Variants in ARPP21 observed in about 807,000 individuals in gnomAD.
ARPP21 encodes cAMP regulated phosphoprotein 21, also known as cAMP-regulated phosphoprotein 21.
A neutral mutation model predicts 113.2 loss-of-function variants in ARPP21; 69 were observed. The observed-to-expected ratio is 0.61, with a 90% CI of 0.50 to 0.74. The LOEUF (loss-of-function observed/expected upper bound fraction) is 0.74. Among genes scored for constraint, ARPP21 ranks in the 30% least tolerant of loss-of-function variants. ARPP21 has a pLI of 0.00. For synonymous variants in ARPP21, 368 were observed against 375.5 expected, an observed-to-expected ratio of 0.98 and a Z score of 0.23; for missense variants, 1,070 against 1,037.4, an observed-to-expected ratio of 1.03 and a Z score of -0.43.
intron 1 of ARPP21, among the ~76,000 whole-genome samples, chr3:35,675,034 C>T (rs962867296): frequency 2.0e-5 from 3 of 151,568 alleles, no homozygotes; most frequent in South Asian, 2.1e-4. Flanking sequence ...TTTCCTGAAC[C>T]ATCTCTGCTT....
At chr3:35,685,036 A>G in intron 5 of ARPP21, 1 of 984,918 alleles carries the variant, frequency 1.0e-6, no homozygotes, top group Non-Finnish European at 1.2e-6. Flanking sequence ...GATGGCTTGT[A>G]ATGTACTGCA....
chr3:35,721,505 T>C (rs1363171431), intron 13 of ARPP21, 100 bp from the exon 14 acceptor site: 3 of 696,526 alleles, frequency 4.3e-6, no homozygotes, highest in Non-Finnish European at 7.6e-6. Context: ...AAGGGTCTTG[T>C]GTGGATCACC....
At chr3:35,748,071 A>AAGGAAGGAAGG (rs1559837078) in intron 19 of ARPP21, among the ~76,000 whole-genome samples, 1,649 of 93,554 alleles carry the variant, frequency 0.018, 20 homozygotes, top group Non-Finnish European at 0.023. Flanking sequence ...AGGAAGGAAG[A>AAGGAAGGAAGG]AAGAAAGAAA....
intron 1 of ARPP21, among the ~76,000 whole-genome samples, chr3:35,641,979 ATAATTAAAATAACTAAGTTACT>A (rs1342397148): frequency 1.3e-5 from 2 of 152,206 alleles, no homozygotes; most frequent in East Asian, 3.9e-4. Flanking sequence ...ATGCCATTCA[ATAATTAAAATAACTAAGTTACT>A]TTAGAAAAAG....
intron 1 of ARPP21, among the ~76,000 whole-genome samples, chr3:35,661,579 T>C (rs1707827817): frequency 6.6e-6 from 1 of 152,146 alleles, no homozygotes; most frequent in African/African-American, 2.4e-5. Context: ...AAATACAGCA[T>C]AAAGAAATCA....
intron 19 of ARPP21, among the ~76,000 whole-genome samples, chr3:35,759,396 C>A (rs1193793975): frequency 6.6e-6 from 1 of 152,028 alleles, no homozygotes; most frequent in African/African-American, 2.4e-5. Flanking sequence ...TATGCATATA[C>A]CGTTGTTGTT....
At chr3:35,659,710 C>T (rs771247512) in intron 1 of ARPP21, among the ~76,000 whole-genome samples, 21 of 152,120 alleles carry the variant, frequency 1.4e-4, no homozygotes, top group Non-Finnish European at 2.4e-4. Context: ...GGTTGAATCT[C>T]ATTTTGTTGG....
intron 1 of ARPP21, among the ~76,000 whole-genome samples, chr3:35,645,662 C>T (rs1037367404): frequency 1.3e-5 from 2 of 151,900 alleles, no homozygotes; most frequent in Non-Finnish European, 2.9e-5. Flanking sequence ...TGCTGGAACT[C>T]TTAATAATGG....
At chr3:35,678,571 ATAGTT>A (rs1559580872) in intron 1 of ARPP21, among the ~76,000 whole-genome samples, 2 of 151,970 alleles carry the variant, frequency 1.3e-5, no homozygotes, top group Admixed American at 6.6e-5. Flanking sequence ...TGGAAGAAAC[ATAGTT>A]TAAAGTCTAA....
chr3:35,704,621 A>G (rs2087961539), intron 9 of ARPP21, among the ~76,000 whole-genome samples: 1 of 151,966 alleles, frequency 6.6e-6, no homozygotes, highest in South Asian at 2.1e-4. Context: ...TCTAAATTTG[A>G]ATTTATACTC....
intron 19 of ARPP21, among the ~76,000 whole-genome samples, chr3:35,763,017 AG>A (rs1396815634): frequency 6.6e-6 from 1 of 152,138 alleles, no homozygotes; most frequent in Non-Finnish European, 1.5e-5. Context: ...CTTTTAAAAT[AG>A]CATCTGGAGA....
intron 19 of ARPP21, among the ~76,000 whole-genome samples, chr3:35,763,981 T>C (rs1320912937): frequency 1.3e-5 from 2 of 151,990 alleles, no homozygotes; most frequent in Admixed American, 1.3e-4. Context: ...CTGGGCAACA[T>C]AGGGAAATCC....
At chr3:35,750,742 G>A (rs1446116187) in intron 19 of ARPP21, among the ~76,000 whole-genome samples, 1 of 152,160 alleles carries the variant, frequency 6.6e-6, no homozygotes, top group Non-Finnish European at 1.5e-5. Flanking sequence ...TCCCTGACAT[G>A]CAAAGACAGA....
chr3:35,667,891 G>GAAGAAGAAGAAGAAGAAGAAGAA (rs1262199513), intron 1 of ARPP21, among the ~76,000 whole-genome samples: 50 of 71,330 alleles, frequency 7.0e-4, no homozygotes, highest in South Asian at 3.4e-3. Context: ...AAGAAGAAGA[G>GAAGAAGAAGAAGAAGAAGAAGAA]GAAGAGGAAG....
intron 18 of ARPP21, among the ~76,000 whole-genome samples, chr3:35,743,432 G>C (rs143087617): frequency 6.6e-6 from 1 of 152,130 alleles, no homozygotes. Flanking sequence ...ACACTTACAT[G>C]CCTGGAACTG....
Position 35,690,093 on chromosome 3 carries a change from A to G in ARPP21, c.498A>G (p.Ile166Met). The part of the protein sequence containing the change: ...TLKNNSRDRM[I>M]LLKMEQEIID... The stretch of plus-strand genomic sequence containing the variant: ...ATTTATTTTGCAGGGACAGGATGAT[A>G]CTTTTGAAAATGGAGCAGGAAATTA... The change falls in exon 8 of 21, where the codon ATA (isoleucine) becomes ATG (methionine). Residue 166 changes from isoleucine (I) to methionine (M), a missense_variant. By Grantham distance (10) the Ile-to-Met change is conservative. Transcript: ENST00000684406. The G allele has an allele frequency of 7.0e-7, 1 of 1,437,734 alleles. No homozygotes were observed. Among genetic ancestry groups the G allele is most frequent in the Non-Finnish European group, 9.8e-7 (1 of 1,020,626 alleles). 89.1% of individuals were successfully genotyped at this position (1,437,734 alleles called of 1,614,324 possible).
chr3:35,785,280 G>T (rs746041710), intron 19 of ARPP21: 2 of 152,134 alleles, frequency 1.3e-5, no homozygotes, highest in Non-Finnish European at 2.9e-5. Flanking sequence ...AAAGTAAAAC[G>T]TTTGTGAGTC....
intron 13 of ARPP21, among the ~76,000 whole-genome samples, chr3:35,720,921 A>C (rs2093000768): frequency 6.6e-6 from 1 of 152,154 alleles, no homozygotes; most frequent in Admixed American, 6.5e-5. Flanking sequence ...GTCAGTGTAT[A>C]GTGTTTACAC....
intron 19 of ARPP21, among the ~76,000 whole-genome samples, chr3:35,747,319 C>T (rs1367655921): frequency 6.9e-6 from 1 of 145,258 alleles, no homozygotes; most frequent in African/African-American, 2.6e-5. Context: ...TGCACCATTG[C>T]ACTCCAAATC....
Sources: gnomAD v4.1 joint callset for allele counts (sites outside exome capture counted in the v4.1 genomes callset) on GRCh38, gnomAD v4.1.1 for gene constraint, MANE v1.5 for transcripts, NCBI Gene and HGNC (gene_info 2026-07-23, HGNC 2026-07-21) for gene names.